The following ZNF408 variants were observed in gnomAD, a reference collection of about 807,000 sequenced individuals.
ZNF408 encodes PR domain zinc finger protein 17.
A neutral mutation model predicts 27.6 loss-of-function variants in ZNF408; 24 were observed. The ratio of observed to expected loss-of-function variants is 0.87; its 90% CI spans 0.63 to 1.22. The LOEUF is 1.22. Among genes scored for constraint, ZNF408 ranks in the 50% most tolerant of loss-of-function variants. The probability of loss-of-function intolerance (pLI) is 0.00; values close to 1 mark genes in which losing one functional copy is unlikely to be tolerated. For synonymous variants in ZNF408, 410 were observed against 396.1 expected (o/e 1.04, Z -0.42); for missense variants, 897 against 949.0 (o/e 0.95, Z 0.72).
chr11:46,705,564 C>T lies in ZNF408; in HGVS notation c.1864C>T (p.Leu622Phe). Residue 622 changes from leucine (L) to phenylalanine (F), a missense_variant, in exon 5 of 5, where the codon CTC becomes TTC. Leu to Phe is a conservative substitution (Grantham distance 22). Transcript: ENST00000311764. This position sits in a 1 kb window ranked among gnomAD's most constrained non-coding sequence, Gnocchi z 6.5. ...CATGGGCTACACCCTCCCGCAGAGC[C>T]TCAGGCGGCATCAGCTCAGTCACCG... ...CGMGYTLPQS[L>F]RRHQLSHRPE... is the part of the protein sequence containing the mutation. 2 of 1,606,440 alleles carry T rather than the reference C, an allele frequency of 1.2e-6. No individual in the cohort carries two copies. The highest frequency in any genetic ancestry group is 1.7e-6 in the Non-Finnish European group (2 of 1,179,970).
At position 46,705,622 on chromosome 11, in the gene ZNF408, C is replaced by T; in HGVS notation, c.1922C>T (p.Pro641Leu). ...GCACCCTGCAGCCCACCCTCTGTGCCTTCTGCTGCTTCTGAGCCCACTGTG... is the reference window on the plus strand; with the variant it reads ...GCACCCTGCAGCCCACCCTCTGTGCTTTCTGCTGCTTCTGAGCCCACTGTG... ...PEAPCSPPSV[P>L]SAASEPTVVL... is the part of the protein sequence containing the mutation. The change falls in exon 5 of 5, where the codon CCT (proline) becomes CTT (leucine). Residue 641 changes from proline (P) to leucine (L), a missense_variant. By Grantham distance (98) the Pro-to-Leu change is moderately conservative. Transcript: ENST00000311764. The surrounding 1 kb of genome is among the most constrained non-coding windows in gnomAD (Gnocchi z 6.5). The T allele has an allele frequency of 6.2e-7, 1 of 1,612,696 alleles. No homozygotes were observed. Among genetic ancestry groups the T allele is most frequent in the Non-Finnish European group, 8.5e-7 (1 of 1,180,016 alleles).
chr11:46,701,689 A>G lies in ZNF408; in HGVS notation c.330+13A>G. ...ACGGCAGGAGGAGGTATTGAAGGAT[A>G]GAGCGACTTCCCTCCGCCCTTGAAA... is the stretch of plus-strand genomic sequence containing the variant. On this transcript the variant is annotated intron_variant, in intron 2 of 4. Transcript: ENST00000311764. The G allele has an allele frequency of 6.5e-7, 1 of 1,540,798 alleles. No individual in the cohort carries two copies. The highest frequency in any genetic ancestry group is 8.8e-7 in the Non-Finnish European group (1 of 1,139,524).
chr11:46,704,799 C>A lies in ZNF408; in HGVS notation c.1099C>A (p.His367Asn). Residue 367 changes from histidine (H) to asparagine (N), a missense_variant, in exon 5 of 5, where the codon CAC becomes AAC. Coordinates refer to ENST00000311764, the MANE Select transcript of ZNF408 (RefSeq NM_024741.3). ...TGGCAAGGCATTCCTACAGCTGTGC[C>A]ACCTAAAGAAGCACGCATTTGTGCA... The part of the protein sequence containing the change: ...ECGKAFLQLC[H>N]LKKHAFVHTG... 1 of 1,597,784 alleles carries A rather than the reference C, an allele frequency of 6.3e-7. No individual in the cohort carries two copies.
rs952174537 is a variant in ZNF408 at position 46,705,124 on chromosome 11, G to A, written c.1424G>A (p.Arg475Gln). 1.2e-6 allele frequency: 2 copies of A among 1,611,516 alleles called. No homozygotes were observed. Among genetic ancestry groups the A allele is most frequent in the African/African-American group, 1.3e-5 (1 of 75,062 alleles). ...CCTTGCCCATGCCCTGTGTGTGGGC[G>A]GCCCCTGGCCAACCAGGGCTCCCTG... ...PAPCPCPVCG[R>Q]PLANQGSLRN... The change falls in exon 5 of 5, where the codon CGG becomes CAG. Residue 475 changes from arginine (R) to glutamine (Q), a missense_variant. Coordinates refer to ENST00000311764, the MANE Select transcript of ZNF408 (RefSeq NM_024741.3). This position sits in a 1 kb window ranked among gnomAD's most constrained non-coding sequence, Gnocchi z 6.5.
rs984431109 is a variant in ZNF408 at position 46,704,613 on chromosome 11, C to G, written c.913C>G (p.Leu305Val). 1 of 1,613,954 alleles carries G rather than the reference C, an allele frequency of 6.2e-7. No individual in the cohort carries two copies. Among genetic ancestry groups the G allele is most frequent in the Non-Finnish European group, 8.5e-7 (1 of 1,179,996 alleles). The part of the protein sequence containing the change: ...SARGTQPHGY[L>V]AKKLHSPSDQ... ...CAGGGGCACCCAGCCGCATGGCTACCTGGCCAAGAAGTTACACAGCCCCAG... is the reference window on the plus strand; with the variant it reads ...CAGGGGCACCCAGCCGCATGGCTACGTGGCCAAGAAGTTACACAGCCCCAG... The change falls in exon 5 of 5, where the codon CTG becomes GTG. Residue 305 changes from leucine (L) to valine (V), a missense_variant. Transcript: ENST00000311764.
intron 1 of ZNF408, 61 bp downstream of exon 1, chr11:46,701,160 G>A (rs2064701124): frequency 6.2e-7 from 1 of 1,613,132 alleles, no homozygotes; most frequent in Non-Finnish European, 8.5e-7. Context: ...GACGCTCTGT[G>A]GTCAGCTTTC....
chr11:46,704,632 GC>G lies in ZNF408; in HGVS notation c.936del (p.Ser313ValfsTer56). ...PHGYLAKKLHSPSDQCPPRAK... is the reference protein window; with the variant it reads ...PHGYLAKKLHXPSDQCPPRAK... ...GGCTACCTGGCCAAGAAGTTACACA[GC>G]CCCAGTGATCAGTGCCCACCCAGAG... On this transcript the variant is annotated frameshift_variant, in exon 5 of 5. Transcript: ENST00000311764. LOFTEE classifies it low-confidence loss of function (END_TRUNC). The G allele has an allele frequency of 6.2e-7, 1 of 1,613,934 alleles. No homozygotes were observed. The highest frequency in any genetic ancestry group is 8.5e-7 in the Non-Finnish European group (1 of 1,180,000).
Position 46,704,784 on chromosome 11 carries a change from T to C in ZNF408, c.1084T>C (p.Phe362Leu). ...RYRCGECGKA[F>L]LQLCHLKKHA... ...CCGGTGTGGAGAGTGTGGCAAGGCA[T>C]TCCTACAGCTGTGCCACCTAAAGAA... The change falls in exon 5 of 5, where the codon TTC becomes CTC. Residue 362 changes from phenylalanine to leucine, a missense_variant. Phe to Leu is a conservative substitution (Grantham distance 22). Coordinates refer to ENST00000311764, the MANE Select transcript of ZNF408 (RefSeq NM_024741.3). The C allele has an allele frequency of 6.3e-7, 1 of 1,597,002 alleles. No homozygotes were observed. Among genetic ancestry groups the C allele is most frequent in the Non-Finnish European group, 8.5e-7 (1 of 1,171,360 alleles).
intron 1 of ZNF408, 52 bp from the exon 2 acceptor site, chr11:46,701,347 C>A: frequency 6.3e-7 from 1 of 1,593,566 alleles, no homozygotes; most frequent in South Asian, 1.1e-5. Flanking sequence ...CACTTTTCCC[C>A]ACCTCCCACC....
Position 46,705,744 on chromosome 11 carries a change from CAGG to C in ZNF408, c.2047_2049del (p.Glu683del), listed in dbSNP as rs2134511898. 1.2e-6 allele frequency: 2 copies of C among 1,611,838 alleles called. No individual in the cohort carries two copies. The highest frequency in any genetic ancestry group is 2.2e-5 in the East Asian group (1 of 44,844). ...TGTTGAGGTCACCATTTCAGAAAGCCAGGAGAAGTGCTTTGTGGTGCCAGAGGA... is the reference window on the plus strand; with the variant it reads ...TGTTGAGGTCACCATTTCAGAAAGCCAGAAGTGCTTTGTGGTGCCAGAGGA... On this transcript the variant is annotated inframe_deletion, in exon 5 of 5. Transcript: ENST00000311764. The surrounding 1 kb of genome is among the most constrained non-coding windows in gnomAD (Gnocchi z 6.5).
intron 1 of ZNF408, 99 bp from the exon 2 acceptor site, chr11:46,701,300 G>A (rs372250120): frequency 6.4e-7 from 1 of 1,568,880 alleles, no homozygotes; most frequent in Non-Finnish European, 8.7e-7. Flanking sequence ...TGTCCCTCGG[G>A]CTCCGCAGGC....
At chr11:46,702,547 C>T (rs537945308) in intron 2 of ZNF408, among the ~76,000 whole-genome samples, 157 bp from the exon 3 acceptor site, 16 of 152,226 alleles carry the variant, frequency 1.1e-4, no homozygotes, top group Non-Finnish European at 1.8e-4. Context: ...AATGAAGAAT[C>T]AGACAGCACT....
Position 46,705,856 on chromosome 11 carries a change from GC to G in ZNF408, c.2157del (p.Thr720ProfsTer8). ...GCAGAGGTGGTGGAGGTGGAGATGG[GC>G]ACCTGACAGCTTTGCCTTTTGCTGA... ...AWAEVVEVEM[G>X]T On this transcript the variant is annotated frameshift_variant, in exon 5 of 5. Coordinates refer to ENST00000311764, the MANE Select transcript of ZNF408 (RefSeq NM_024741.3). LOFTEE classifies it high-confidence loss of function. The surrounding 1 kb of genome is among the most constrained non-coding windows in gnomAD (Gnocchi z 6.5). 1.2e-6 allele frequency: 2 copies of G among 1,610,254 alleles called. No homozygotes were observed. The highest frequency in any genetic ancestry group is 1.7e-6 in the Non-Finnish European group (2 of 1,178,308).
At chr11:46,704,037 G>A (rs1192897944) in intron 4 of ZNF408, among the ~76,000 whole-genome samples, 1 of 151,958 alleles carries the variant, frequency 6.6e-6, no homozygotes, top group Non-Finnish European at 1.5e-5. Context: ...CCGGCTGGAA[G>A]GGGTCTTGAA....
Position 46,703,061 on chromosome 11 carries a change from T to G in ZNF408, c.470T>G (p.Val157Gly). 1 of 1,613,908 alleles carries G rather than the reference T, an allele frequency of 6.2e-7. No individual in the cohort carries two copies. Among genetic ancestry groups the G allele is most frequent in the Middle Eastern group, 1.7e-4 (1 of 6,054 alleles). Residue 157 changes from valine to glycine, a missense_variant, in exon 4 of 5, where the codon GTG (valine) becomes GGG (glycine). Transcript: ENST00000311764. ...VRISERLHLQ[V>G]YQLVLPGSEL... is the part of the protein sequence containing the mutation. ...ATCAGCGAGAGGCTTCATCTGCAAGTGTACCAGCTGGTGCTGCCAGGCTCT... is the reference window on the plus strand; with the variant it reads ...ATCAGCGAGAGGCTTCATCTGCAAGGGTACCAGCTGGTGCTGCCAGGCTCT...
At position 46,705,859 on chromosome 11, in the gene ZNF408, C is replaced by T. The variant is rs762068273; in HGVS notation, c.2159C>T (p.Thr720Ile). The change falls in exon 5 of 5, where the codon ACC becomes ATC. Residue 720 changes from threonine (T) to isoleucine (I), a missense_variant. By Grantham distance (89) the Thr-to-Ile change is moderately conservative. Coordinates refer to ENST00000311764, the MANE Select transcript of ZNF408 (RefSeq NM_024741.3). This position sits in a 1 kb window ranked among gnomAD's most constrained non-coding sequence, Gnocchi z 6.5. ...WAEVVEVEMG[T>I] is the part of the protein sequence containing the mutation. ...GAGGTGGTGGAGGTGGAGATGGGCA[C>T]CTGACAGCTTTGCCTTTTGCTGACA... The T allele has an allele frequency of 3.7e-6, 6 of 1,610,176 alleles. No homozygotes were observed. The highest frequency in any genetic ancestry group is 3.5e-4 in the Middle Eastern group (2 of 5,732).
chr11:46,701,761 A>G (rs927863495), intron 2 of ZNF408, 85 bp downstream of exon 2: 2 of 1,415,582 alleles, frequency 1.4e-6, no homozygotes, highest in East Asian at 5.0e-5. Flanking sequence ...CAATTTGAAG[A>G]AAGAGAGTAT....
At position 46,702,967 on chromosome 11, in the gene ZNF408, G is replaced by GTTACT; in HGVS notation, c.393-14_393-10dup. ...AATAGTGAGCATCTCCTAGCTGGCT[G>GTTACT]TTACTTTGCTTTGCAGCTTGGTACA... On this transcript the variant is annotated splice_polypyrimidine_tract_variant and intron_variant, in intron 3 of 4. Coordinates refer to ENST00000311764, the MANE Select transcript of ZNF408 (RefSeq NM_024741.3). The GTTACT allele has an allele frequency of 6.2e-7, 1 of 1,613,302 alleles. No homozygotes were observed. The highest frequency in any genetic ancestry group is 8.5e-7 in the Non-Finnish European group (1 of 1,179,334).
intron 1 of ZNF408, 78 bp downstream of exon 1, chr11:46,701,177 GTCT>G (rs1469626086): frequency 1.9e-6 from 3 of 1,610,982 alleles, no homozygotes; most frequent in East Asian, 4.5e-5. Context: ...TTTCTCCTCA[GTCT>G]TCTCTCCTCC....
Sources: allele counts gnomAD v4.1 joint callset (sites outside exome capture counted in the v4.1 genomes callset), GRCh38; gene constraint gnomAD v4.1.1; non-coding constraint Gnocchi (gnomAD v3.1); transcripts MANE v1.5; gene names NCBI Gene and HGNC (gene_info 2026-07-23, HGNC 2026-07-21).